WDR1: variants seen among roughly 807,000 people sequenced by gnomAD.
WDR1 encodes WD repeat-containing protein 1.
WDR1 carries 21 observed loss-of-function variants against 71.9 expected under a neutral mutation model. The observed-to-expected ratio is 0.29, with a 90% CI of 0.21 to 0.42. The LOEUF (loss-of-function observed/expected upper bound fraction) is 0.42. Among genes scored for constraint, WDR1 ranks in the 10% least tolerant of loss-of-function variants. The probability of loss-of-function intolerance (pLI) is 1.00; values close to 1 mark genes in which losing one functional copy is unlikely to be tolerated. For synonymous variants in WDR1, 424 were observed against 347.4 expected, an observed-to-expected ratio of 1.22 and a Z score of -2.45; for missense variants, 696 against 824.5, an observed-to-expected ratio of 0.84 and a Z score of 1.91.
At chr4:10,099,834 G>T (rs1249588547) in intron 3 of WDR1, among the ~76,000 whole-genome samples, 1 of 152,234 alleles carries the variant, frequency 6.6e-6, no homozygotes, top group African/African-American at 2.4e-5. Context: ...AGAGTAGCAG[G>T]TGGGTGTTGC....
chr4:10,111,372 C>G (rs1045055630), intron 2 of WDR1, among the ~76,000 whole-genome samples: 1 of 152,190 alleles, frequency 6.6e-6, no homozygotes, highest in African/African-American at 2.4e-5. Flanking sequence ...CCTGCAGCCA[C>G]TCAGATTCTC....
At chr4:10,112,716 C>T (rs987003836) in intron 2 of WDR1, among the ~76,000 whole-genome samples, 1 of 152,266 alleles carries the variant, frequency 6.6e-6, no homozygotes, top group Non-Finnish European at 1.5e-5. Context: ...TTTCCTTGTT[C>T]TCATGCAGTA....
intron 2 of WDR1, among the ~76,000 whole-genome samples, chr4:10,113,966 C>A (rs778785859): frequency 2.0e-5 from 3 of 152,202 alleles, no homozygotes; most frequent in Non-Finnish European, 4.4e-5. Flanking sequence ...TCCTCCATTT[C>A]TTCCCTCTTC....
chr4:10,116,751 C>A lies in WDR1; in HGVS notation c.-85G>T. 1.6e-6 allele frequency: 2 copies of A among 1,258,258 alleles called. No individual in the cohort carries two copies. The highest frequency in any genetic ancestry group is 2.5e-5 in the South Asian group (1 of 39,576). The allele number at this position is 1,258,258 out of a possible 1,614,324, so 77.9% of individuals were successfully genotyped here. ...CGAATTACACCTCGCCGAGGCCGAG[C>A]CCGGGGACTGGAGCCGGAAGGCGGC... On this transcript the variant is annotated 5_prime_UTR_variant, in exon 1 of 15. Transcript: ENST00000499869.
chr4:10,103,612 G>C (rs977053593), intron 3 of WDR1, among the ~76,000 whole-genome samples: 10 of 152,126 alleles, frequency 6.6e-5, no homozygotes, highest in Non-Finnish European at 1.3e-4. Context: ...AAAACCTCAC[G>C]TTTTAAAAAG....
intron 3 of WDR1, 121 bp downstream of exon 3, chr4:10,103,773 TGC>T: frequency 6.6e-6 from 1 of 152,258 alleles, no homozygotes. Flanking sequence ...ACCCCCAGCC[TGC>T]TCCCCCACCC....
intron 2 of WDR1, among the ~76,000 whole-genome samples, chr4:10,107,028 A>C (rs1220332875): frequency 4.6e-5 from 7 of 152,088 alleles, no homozygotes; most frequent in Non-Finnish European, 4.4e-5. Flanking sequence ...GGGGTTGAGA[A>C]GCTTATTTGG....
chr4:10,080,466 GT>G (rs2109639898), intron 11 of WDR1, among the ~76,000 whole-genome samples: 2 of 152,338 alleles, frequency 1.3e-5, no homozygotes, highest in East Asian at 3.9e-4. Flanking sequence ...TGTCCAGGCT[GT>G]TTGCAATAAT....
chr4:10,102,440 G>C (rs898663510), intron 3 of WDR1, among the ~76,000 whole-genome samples: 3 of 152,230 alleles, frequency 2.0e-5, no homozygotes, highest in African/African-American at 7.2e-5. Flanking sequence ...TGGGTATTAT[G>C]ACATGAGCAG....
intron 2 of WDR1, chr4:10,106,627 G>A (rs1560545254): frequency 6.6e-6 from 1 of 152,292 alleles, no homozygotes; most frequent in African/African-American, 2.4e-5. Flanking sequence ...AGGGGCATGA[G>A]AGGAAGTTCT....
In WDR1 at chr4:10,075,453, C is replaced by T. The variant is rs1200515345; in HGVS notation, c.1746G>A (p.Leu582=). Residue 582 remains leucine (L), a synonymous_variant, in exon 15 of 15, where the codon CTG becomes CTA. Coordinates refer to ENST00000499869, the MANE Select transcript of WDR1 (RefSeq NM_017491.5). Reference sequence around the variant, plus strand: ...CCAGCGTGTGCTCGTCCAGCCAGGCCAGGCTGCTGACATGGTGCAGCCGGT... The same window carrying T: ...CCAGCGTGTGCTCGTCCAGCCAGGCTAGGCTGCTGACATGGTGCAGCCGGT... ...DAHRLHHVSS[L]AWLDEHTLVT... is the part of the protein sequence containing the mutation. 1 of 1,613,992 alleles carries T rather than the reference C, an allele frequency of 6.2e-7. No individual in the cohort carries two copies. The highest frequency in any genetic ancestry group is 8.5e-7 in the Non-Finnish European group (1 of 1,179,892).
rs1467830472 is a variant in WDR1 at position 10,088,992 on chromosome 4, G to A, written c.559-251C>T. ...AAGCTGATTAGCCCGAGCGAAGGCA[G>A]ACCACCTCCAGTTATGCCCCCCCCA... On this transcript the variant is annotated intron_variant, in intron 5 of 14. Coordinates refer to ENST00000499869, the MANE Select transcript of WDR1 (RefSeq NM_017491.5). 3.3e-5 allele frequency among the ~76,000 whole-genome samples: 5 copies of A among 152,218 alleles called. No individual in the cohort carries two copies. In the East Asian group the frequency reaches 9.6e-4, roughly 29 times the overall value.
chr4:10,103,125 C>T (rs1043159924), intron 3 of WDR1, among the ~76,000 whole-genome samples: 4 of 152,172 alleles, frequency 2.6e-5, no homozygotes, highest in Non-Finnish European at 5.9e-5. Context: ...TCCCACTGAG[C>T]CACACAAAAG....
At chr4:10,095,068 G>T (rs10939702) in intron 5 of WDR1, among the ~76,000 whole-genome samples, 47,562 of 152,178 alleles carry the variant, frequency 0.31, 9,160 homozygotes, top group Non-Finnish European at 0.44. Flanking sequence ...GGCCACAGGG[G>T]GCCTCTGCAG....
chr4:10,109,836 A>G (rs1397231215), intron 2 of WDR1, among the ~76,000 whole-genome samples: 1 of 152,178 alleles, frequency 6.6e-6, no homozygotes, highest in Non-Finnish European at 1.5e-5. Flanking sequence ...CTCAAAAGAG[A>G]GATGAGGGTA....
intron 11 of WDR1, 61 bp from the exon 12 acceptor site, chr4:10,079,062 G>C: frequency 1.4e-6 from 2 of 1,385,640 alleles, no homozygotes; most frequent in Non-Finnish European, 9.9e-7. Context: ...ACCCTCAGTG[G>C]TAGGAGGGGC....
chr4:10,098,073 T>C (rs898774475), intron 4 of WDR1, among the ~76,000 whole-genome samples, 182 bp from the exon 5 acceptor site: 1 of 152,102 alleles, frequency 6.6e-6, no homozygotes, highest in African/African-American at 2.4e-5. Flanking sequence ...CACAAGGCAT[T>C]TGTCCAAAGG....
chr4:10,083,118 T>C lies in WDR1; in HGVS notation c.1100A>G (p.Gln367Arg). 1 of 1,613,940 alleles carries C rather than the reference T, an allele frequency of 6.2e-7. No homozygotes were observed. The highest frequency in any genetic ancestry group is 8.5e-7 in the Non-Finnish European group (1 of 1,179,880). Residue 367 changes from glutamine to arginine, a missense_variant, in exon 10 of 15, where the codon CAG (glutamine) becomes CGG (arginine). By Grantham distance (43) the Gln-to-Arg change is conservative (BLOSUM62 1). Coordinates refer to ENST00000499869, the MANE Select transcript of WDR1 (RefSeq NM_017491.5). ...CTCATCCACGGTCATCCTGGACACCTGGTTCGTGTGGCCTTTCCCAGCGAA... is the reference window on the plus strand; with the variant it reads ...CTCATCCACGGTCATCCTGGACACCCGGTTCGTGTGGCCTTTCCCAGCGAA... Reference protein sequence around the residue: ...DSFAGKGHTNQVSRMTVDESG... With the variant: ...DSFAGKGHTNRVSRMTVDESG...
chr4:10,082,824 G>A (rs1765067922), intron 10 of WDR1, among the ~76,000 whole-genome samples, 198 bp downstream of exon 10: 1 of 152,196 alleles, frequency 6.6e-6, no homozygotes. Flanking sequence ...GTGGGCAAGA[G>A]CATTACCCAG....
Sources: gnomAD v4.1 joint callset for allele counts (sites outside exome capture counted in the v4.1 genomes callset) on GRCh38, gnomAD v4.1.1 for gene constraint, MANE v1.5 for transcripts, NCBI Gene and HGNC (gene_info 2026-07-23, HGNC 2026-07-21) for gene names.